Variants in AASS observed in about 807,000 individuals in gnomAD.
AASS encodes the protein aminoadipate-semialdehyde synthase, also known as alpha-aminoadipic semialdehyde synthase, mitochondrial.
In AASS, 86 loss-of-function variants were observed where a neutral mutation model predicts 105.4. The ratio of observed to expected loss-of-function variants is 0.82; its 90% CI spans 0.69 to 0.98. AASS has a LOEUF of 0.98. AASS is among the 50% of genes least tolerant of loss of function. The pLI, the probability that AASS is intolerant of heterozygous loss-of-function variation, is 0.00. For missense variants in AASS, 1,048 were observed against 1,143.2 expected, an observed-to-expected ratio of 0.92 and a Z score of 1.20; for synonymous variants, 381 against 394.8, an observed-to-expected ratio of 0.96 and a Z score of 0.41.
chr7:122,079,551 C>T (rs769487372), intron 21 of AASS, 46 bp downstream of exon 21: 2 of 1,396,546 alleles, frequency 1.4e-6, no homozygotes, highest in South Asian at 2.3e-5. Context: ...AATTAGCAAT[C>T]ATTGATCCAG....
At chr7:122,078,392 T>C (rs1005344180) in intron 22 of AASS, among the ~76,000 whole-genome samples, 6 of 151,672 alleles carry the variant, frequency 4.0e-5, no homozygotes, top group Non-Finnish European at 5.9e-5. Context: ...GGTGGGCGGA[T>C]CACGAGGTCA....
intron 6 of AASS, among the ~76,000 whole-genome samples, chr7:122,117,724 C>T (rs751591609): frequency 4.0e-5 from 6 of 151,830 alleles, no homozygotes; most frequent in East Asian, 1.9e-4. Flanking sequence ...GGTGCAATCT[C>T]GGCTCACTGC....
chr7:122,122,242 G>T (rs1363842691), intron 4 of AASS, among the ~76,000 whole-genome samples: 1 of 151,990 alleles, frequency 6.6e-6, no homozygotes, highest in Non-Finnish European at 1.5e-5. Flanking sequence ...TTCCGGTCAT[G>T]ATTTCTTTAC....
intron 18 of AASS, among the ~76,000 whole-genome samples, chr7:122,089,188 T>C (rs781269631): frequency 2.0e-5 from 3 of 152,068 alleles, no homozygotes; most frequent in Non-Finnish European, 4.4e-5. Context: ...TTTTAAGTTG[T>C]TCAACAATCT....
At chr7:122,136,645 T>C (rs977161648) in intron 1 of AASS, among the ~76,000 whole-genome samples, 3 of 152,144 alleles carry the variant, frequency 2.0e-5, no homozygotes, top group African/African-American at 7.2e-5. Context: ...AGATAGTGAT[T>C]CCTTTGAACA....
At chr7:122,086,289 AAAT>A (rs1793621597) in intron 18 of AASS, 110 bp from the exon 19 acceptor site, 5 of 1,087,550 alleles carry the variant, frequency 4.6e-6, no homozygotes, top group Non-Finnish European at 6.7e-6. Context: ...AAAAAAATAA[AAAT>A]AATGAAACCA....
chr7:122,095,840 G>C (rs2150519555), intron 15 of AASS, among the ~76,000 whole-genome samples: 1 of 152,154 alleles, frequency 6.6e-6, no homozygotes, highest in African/African-American at 2.4e-5. Flanking sequence ...TAGAAAATGT[G>C]CAATGTCATC....
At chr7:122,109,390 C>T (rs1276386913) in intron 11 of AASS, among the ~76,000 whole-genome samples, 4 of 152,122 alleles carry the variant, frequency 2.6e-5, no homozygotes, top group African/African-American at 7.2e-5. Flanking sequence ...CACTACCTGA[C>T]TTCAAAATAT....
Position 122,076,521 on chromosome 7 carries a change from T to TAA in AASS, c.2747_2748dup (p.Ile917LeufsTer41). On this transcript the variant is annotated frameshift_variant, in exon 24 of 24. Transcript: ENST00000417368. LOFTEE classifies it high-confidence loss of function. ...TTAATTGTACTCTGTGTAGTATATA[T>TAA]AATGCCTTCTGCTTTAATTCGCTCC... The TAA allele has an allele frequency of 6.2e-7, 1 of 1,613,798 alleles. No individual in the cohort carries two copies. Among genetic ancestry groups the TAA allele is most frequent in the Middle Eastern group, 1.7e-4 (1 of 6,060 alleles).
At chr7:122,118,105 A>T (rs1297710685) in intron 6 of AASS, among the ~76,000 whole-genome samples, 1 of 152,162 alleles carries the variant, frequency 6.6e-6, no homozygotes, top group Non-Finnish European at 1.5e-5. Flanking sequence ...ACACATATAT[A>T]TACACACACA....
intron 15 of AASS, among the ~76,000 whole-genome samples, chr7:122,095,122 A>G (rs954850051): frequency 1.3e-5 from 2 of 152,156 alleles, no homozygotes; most frequent in Admixed American, 6.6e-5. Context: ...ATTCATCCCT[A>G]TATTTCTACA....
chr7:122,126,491 C>A, intron 3 of AASS, 32 bp from the exon 4 acceptor site: 1 of 1,558,968 alleles, frequency 6.4e-7, no homozygotes, highest in Non-Finnish European at 8.8e-7. Flanking sequence ...TTCAACTGGA[C>A]CCATTAAGCT....
At chr7:122,111,285 G>T (rs55833461) in intron 11 of AASS, among the ~76,000 whole-genome samples, 1,874 of 152,114 alleles carry the variant, frequency 0.012, 20 homozygotes, top group Non-Finnish European at 0.019. Context: ...TTTTAAAAAA[G>T]AACCCAATGG....
At chr7:122,100,065 T>C (rs1013101400) in intron 13 of AASS, among the ~76,000 whole-genome samples, 3 of 151,860 alleles carry the variant, frequency 2.0e-5, no homozygotes, top group African/African-American at 7.2e-5. Flanking sequence ...AATCACGTGC[T>C]AAGTGATGAA....
intron 4 of AASS, among the ~76,000 whole-genome samples, chr7:122,122,610 A>G (rs189948233): frequency 1.5e-4 from 23 of 152,362 alleles, no homozygotes; most frequent in African/African-American, 5.5e-4. Context: ...AGAAACAAGA[A>G]ATGACAGAGA....
chr7:122,113,537 T>C (rs1795028543), intron 10 of AASS, 61 bp downstream of exon 10: 1 of 1,590,578 alleles, frequency 6.3e-7, no homozygotes, highest in South Asian at 1.1e-5. Flanking sequence ...CTGAGAATTT[T>C]AGAGTAGTAT....
chr7:122,098,564 T>C lies in AASS; in HGVS notation c.1541A>G (p.Lys514Arg). 12 of 1,609,062 alleles carry C rather than the reference T, an allele frequency of 7.5e-6. No individual in the cohort carries two copies. Among genetic ancestry groups the C allele is most frequent in the Non-Finnish European group, 1.0e-5 (12 of 1,176,386 alleles). ...NIEITVGSDM[K>R]NQIEQLGKKY... ...CTTGCCTAACTGTTCAATTTGATTCTTCATGTCAGATCCTATTTCAGTAAT... is the reference window on the plus strand; with the variant it reads ...CTTGCCTAACTGTTCAATTTGATTCCTCATGTCAGATCCTATTTCAGTAAT... Residue 514 changes from lysine to arginine, a missense_variant, in exon 15 of 24, where the codon AAG becomes AGG. Physicochemically the swap from Lys to Arg is conservative, Grantham distance 26. Transcript: ENST00000417368.
At chr7:122,097,588 A>C (rs1162840818) in intron 15 of AASS, among the ~76,000 whole-genome samples, 1 of 151,970 alleles carries the variant, frequency 6.6e-6, no homozygotes, top group Non-Finnish European at 1.5e-5. Context: ...ATGTACTCAA[A>C]TATCAAAACC....
chr7:122,113,559 T>G, intron 10 of AASS, 39 bp downstream of exon 10: 1 of 1,609,522 alleles, frequency 6.2e-7, no homozygotes, highest in Non-Finnish European at 8.5e-7. Flanking sequence ...TCAATGTAAC[T>G]AAGTGAGGAA....
Sources: gnomAD v4.1 joint callset for allele counts (sites outside exome capture counted in the v4.1 genomes callset) on GRCh38, gnomAD v4.1.1 for gene constraint, MANE v1.5 for transcripts, NCBI Gene and HGNC (gene_info 2026-07-23, HGNC 2026-07-21) for gene names.